The following FAM8A1 variants were observed in gnomAD, a reference collection of about 807,000 sequenced individuals.
FAM8A1 encodes protein FAM8A1.
FAM8A1 carries 18 observed loss-of-function variants against 38.3 expected under a neutral mutation model. The observed-to-expected ratio is 0.47, with a 90% CI of 0.33 to 0.70. The LOEUF (loss-of-function observed/expected upper bound fraction) is 0.70, where lower values mean the gene tolerates loss of function less well. Among genes scored for constraint, FAM8A1 ranks in the 30% least tolerant of loss-of-function variants. The pLI, the probability that FAM8A1 is intolerant of heterozygous loss-of-function variation, is 0.03. For missense variants in FAM8A1, 559 were observed against 559.6 expected (o/e 1.00, Z 0.01); for synonymous variants, 246 against 234.4 (o/e 1.05, Z -0.45).
chr6:17,602,940 A>G (rs529325144), intron 2 of FAM8A1, among the ~76,000 whole-genome samples: 1 of 152,368 alleles, frequency 6.6e-6, no homozygotes, highest in South Asian at 2.1e-4. Flanking sequence ...AATCTCACCT[A>G]TCAAAAATAG....
chr6:17,600,564 G>A lies in FAM8A1; in HGVS notation c.155G>A (p.Arg52Gln), dbSNP rs747247564. The change falls in exon 1 of 5, where the codon CGG becomes CAG. Residue 52 changes from arginine to glutamine, a missense_variant. Physicochemically the swap from Arg to Gln is conservative, Grantham distance 43 (BLOSUM62 1). This residue lies in a region of FAM8A1 where 393 missense variants were observed against 338.9 expected (regional missense o/e 1.16). Coordinates refer to ENST00000259963, the MANE Select transcript of FAM8A1 (RefSeq NM_016255.3). ...CAGGCCGAACCCCAGGCCCCGGGCC[G>A]GCCCACAGCCCCGGGCCTCGCGGCT... ...DPQAEPQAPGRPTAPGLAAAA... is the reference protein window; with the variant it reads ...DPQAEPQAPGQPTAPGLAAAA... 6.0e-6 allele frequency: 9 copies of A among 1,497,638 alleles called. No individual in the cohort carries two copies. The highest frequency in any genetic ancestry group is 8.0e-6 in the Non-Finnish European group (9 of 1,127,794). 92.8% of individuals were successfully genotyped at this position (1,497,638 alleles called of 1,614,324 possible). A position where few individuals can be genotyped will look rare whatever the true frequency, so the allele number is the denominator to read the frequency against.
chr6:17,603,042 C>G (rs947946512), intron 2 of FAM8A1, among the ~76,000 whole-genome samples: 1 of 152,184 alleles, frequency 6.6e-6, no homozygotes, highest in African/African-American at 2.4e-5. Flanking sequence ...TTCCCTCTTG[C>G]TATCTTGTGG....
At chr6:17,604,122 GT>G (rs1764022132) in intron 2 of FAM8A1, among the ~76,000 whole-genome samples, 1 of 151,590 alleles carries the variant, frequency 6.6e-6, no homozygotes, top group African/African-American at 2.4e-5. Flanking sequence ...TGTTGCCCAG[GT>G]TGCTTTCAAA....
At chr6:17,605,535 C>A (rs1289687767) in intron 3 of FAM8A1, among the ~76,000 whole-genome samples, 1 of 151,996 alleles carries the variant, frequency 6.6e-6, no homozygotes, top group African/African-American at 2.4e-5. Flanking sequence ...TTTACAATTT[C>A]TTTGTAATAT....
rs780228257 is a variant in FAM8A1, at chr6:17,600,725, G to A, written c.316G>A (p.Ala106Thr). 6.4e-7 allele frequency: 1 copy of A among 1,572,984 alleles called. No homozygotes were observed. The highest frequency in any genetic ancestry group is 8.6e-7 in the Non-Finnish European group (1 of 1,161,124). Reference sequence around the variant, plus strand: ...AGCCGCGGCGCCACGAGAGAGACCAGCTCGGCTGAGCGCCCGCGAGTACTC... The same window carrying A: ...AGCCGCGGCGCCACGAGAGAGACCAACTCGGCTGAGCGCCCGCGAGTACTC... The part of the protein sequence containing the change: ...PEAAAPRERP[A>T]RLSAREYSRQ... The change falls in exon 1 of 5, where the codon GCT becomes ACT. Residue 106 changes from alanine (A) to threonine (T), a missense_variant. By Grantham distance (58) the Ala-to-Thr change is moderately conservative. Coordinates refer to ENST00000259963, the MANE Select transcript of FAM8A1 (RefSeq NM_016255.3).
At chr6:17,601,256 C>A in intron 1 of FAM8A1, 135 bp downstream of exon 1, 3 of 1,225,218 alleles carry the variant, frequency 2.4e-6, no homozygotes, top group Non-Finnish European at 3.3e-6. Context: ...AGTTCACTAG[C>A]TATCGTTTGT....
intron 2 of FAM8A1, among the ~76,000 whole-genome samples, chr6:17,604,414 C>G (rs1170565721): frequency 6.6e-6 from 1 of 152,312 alleles, no homozygotes; most frequent in African/African-American, 2.4e-5. Context: ...CATATTCTCT[C>G]TTTCTCCAAG....
chr6:17,602,037 G>T (rs2113744543), intron 1 of FAM8A1, among the ~76,000 whole-genome samples: 1 of 152,304 alleles, frequency 6.6e-6, no homozygotes, highest in Non-Finnish European at 1.5e-5. Flanking sequence ...TAGGGGGAAA[G>T]TGGGGAGGGT....
Position 17,607,270 on chromosome 6 carries a change from A to C in FAM8A1, c.1098-925A>C, listed in dbSNP as rs530475491. On this transcript the variant is annotated intron_variant, in intron 4 of 4. Transcript: ENST00000259963. ...CAAGACTCCATCTCAAAAAAAAAAA[A>C]AAACAAAACAAAACTGGTAGTTATA... Among the ~76,000 whole-genome samples the C allele has an allele frequency of 9.3e-3, 1,391 of 148,974 alleles. 19 individuals are homozygous for C. The highest frequency in any genetic ancestry group is 0.015 in the Non-Finnish European group (1,000 of 67,242).
Position 17,600,332 on chromosome 6 carries a change from G to T in FAM8A1, c.-78G>T, listed in dbSNP as rs1159683354. ...CGCCTGCGGTTGCTGCGGTGGTGAC[G>T]GGGCTGTTGGGGAGGGGCCATTGGG... On this transcript the variant is annotated 5_prime_UTR_variant, in exon 1 of 5. Coordinates refer to ENST00000259963, the MANE Select transcript of FAM8A1 (RefSeq NM_016255.3). 3.8e-6 allele frequency: 5 copies of T among 1,304,998 alleles called. No individual in the cohort carries two copies. The highest frequency in any genetic ancestry group is 4.9e-6 in the Non-Finnish European group (5 of 1,025,398). The allele number at this position is 1,304,998 out of a possible 1,614,324, so 80.8% of individuals were successfully genotyped here.
At chr6:17,605,203 C>G (rs1001630896) in intron 3 of FAM8A1, among the ~76,000 whole-genome samples, 174 bp downstream of exon 3, 7 of 152,190 alleles carry the variant, frequency 4.6e-5, no homozygotes, top group Non-Finnish European at 1.0e-4. Context: ...GTCTCAGCCT[C>G]CTGAGTAGGT....
rs1764109256 is a variant in FAM8A1, at chr6:17,609,615, T to C, written c.*1276T>C. 1 of 152,210 alleles carries C rather than the reference T, an allele frequency of 6.6e-6. No homozygotes were observed. Among genetic ancestry groups the C allele is most frequent in the Non-Finnish European group, 1.5e-5 (1 of 68,024 alleles). 9.4% of individuals were successfully genotyped at this position (152,210 alleles called of 1,614,324 possible). On this transcript the variant is annotated 3_prime_UTR_variant, in exon 5 of 5. Transcript: ENST00000259963. The stretch of plus-strand genomic sequence containing the variant: ...ATTGTGGGGTTTTATTATGTGTGTG[T>C]GCTTTTCCTAGATGTCCCAGTTAGC...
chr6:17,605,836 T>C (rs780572985), intron 3 of FAM8A1, 38 bp from the exon 4 acceptor site: 2 of 1,481,122 alleles, frequency 1.4e-6, no homozygotes, highest in African/African-American at 2.8e-5. Flanking sequence ...ATTGGTATAG[T>C]TGAGCCAGTA....
rs1561840418 is a variant in FAM8A1 at position 17,600,899 on chromosome 6, C to T, written c.490C>T (p.Pro164Ser). 2 of 1,594,274 alleles carry T rather than the reference C, an allele frequency of 1.3e-6. No individual in the cohort carries two copies. ...CGCTGCAGTCCCCCAGGCCGCGGCG[C>T]CGCCGCCCCCGCAGCTGGGCTATTA... ...GGAAVPQAAA[P>S]PPPQLGYYNP... The change falls in exon 1 of 5, where the codon CCG becomes TCG. Residue 164 changes from proline (P) to serine (S), a missense_variant. By Grantham distance (74) the Pro-to-Ser change is moderately conservative (BLOSUM62 -1). Coordinates refer to ENST00000259963, the MANE Select transcript of FAM8A1 (RefSeq NM_016255.3).
chr6:17,601,146 G>A, intron 1 of FAM8A1, 25 bp downstream of exon 1: 1 of 1,567,776 alleles, frequency 6.4e-7, no homozygotes, highest in Non-Finnish European at 8.6e-7. Flanking sequence ...GTGGAGGCTG[G>A]GCGGAGTAGA....
At position 17,600,393 on chromosome 6, in the gene FAM8A1, G is replaced by A. The variant is rs1189042945; in HGVS notation, c.-17G>A. On this transcript the variant is annotated 5_prime_UTR_variant, in exon 1 of 5. In the 5' UTR this introduces an upstream ATG that the reference lacks. Transcript: ENST00000259963. ...GGAGCAGTGACAGGTATCCCAGAGG[G>A]TGCTGCTGAGGCGACGATGGCCGAG... The A allele has an allele frequency of 1.4e-6, 2 of 1,397,976 alleles. No homozygotes were observed. The highest frequency in any genetic ancestry group is 3.0e-5 in the African/African-American group (2 of 65,860). The allele number at this position is 1,397,976 out of a possible 1,614,324, so 86.6% of individuals were successfully genotyped here.
intron 3 of FAM8A1, 61 bp from the exon 4 acceptor site, chr6:17,605,813 G>T (rs1056005466): frequency 3.5e-5 from 49 of 1,410,900 alleles, no homozygotes; most frequent in Non-Finnish European, 5.7e-6. Context: ...GGTGGGAAAA[G>T]TTTATCTTTA....
Position 17,601,042 on chromosome 6 carries a change from G to A in FAM8A1, c.633G>A (p.Ala211=), listed in dbSNP as rs879257652. 1 of 1,593,018 alleles carries A rather than the reference G, an allele frequency of 6.3e-7. No individual in the cohort carries two copies. The highest frequency in any genetic ancestry group is 8.5e-7 in the Non-Finnish European group (1 of 1,172,578). The part of the protein sequence containing the change: ...GLGPRAPHVQ[A]SVRATPVTRV... ...GACCCCGGGCTCCTCACGTGCAGGC[G>A]TCGGTCCGGGCCACTCCAGTGACGA... Residue 211 remains alanine (A), a synonymous_variant, in exon 1 of 5, where the codon GCG becomes GCA. Coordinates refer to ENST00000259963, the MANE Select transcript of FAM8A1 (RefSeq NM_016255.3).
rs1264430576 is a variant in FAM8A1, at chr6:17,610,156, A to G, written c.*1817A>G. ...CTTTAGTAGTGTATACACTAGCATT[A>G]GTTTATACACCACTTTTGCCGCTGG... On this transcript the variant is annotated 3_prime_UTR_variant, in exon 5 of 5. Transcript: ENST00000259963. 2.0e-5 allele frequency: 3 copies of G among 152,142 alleles called. No homozygotes were observed. Among genetic ancestry groups the G allele is most frequent in the African/African-American group, 7.2e-5 (3 of 41,444 alleles). The allele number at this position is 152,142 out of a possible 1,614,324, so 9.4% of individuals were successfully genotyped here. A position where few individuals can be genotyped will look rare whatever the true frequency, so the allele number is the denominator to read the frequency against.
Sources: allele counts gnomAD v4.1 joint callset (sites outside exome capture counted in the v4.1 genomes callset), GRCh38; gene constraint gnomAD v4.1.1; regional missense constraint gnomAD v4.1.1; transcripts MANE v1.5; gene names NCBI Gene and HGNC (gene_info 2026-07-23, HGNC 2026-07-21).